Variants in PTPN7 observed in about 807,000 individuals in gnomAD.
PTPN7 encodes tyrosine-protein phosphatase non-receptor type 7.
In PTPN7, 33 loss-of-function variants were observed where a neutral mutation model predicts 50.3. The observed-to-expected ratio is 0.66, with a 90% CI of 0.50 to 0.88. The LOEUF (loss-of-function observed/expected upper bound fraction) is 0.88, where lower values mean the gene tolerates loss of function less well. PTPN7 is among the 40% of genes least tolerant of loss of function. The pLI is 0.00. For synonymous variants in PTPN7, 185 were observed against 186.6 expected (o/e 0.99, Z 0.07); for missense variants, 412 against 475.4 (o/e 0.87, Z 1.24).
chr1:202,150,516 G>T, intron 8 of PTPN7, 92 bp from the exon 9 acceptor site: 1 of 971,340 alleles, frequency 1.0e-6, no homozygotes, highest in Non-Finnish European at 1.6e-6. Context: ...AATGGGACCT[G>T]CAGGTGCTAT....
Position 202,154,263 on chromosome 1 carries a change from A to G in PTPN7, c.529T>C (p.Ser177Pro), listed in dbSNP as rs765296271. Residue 177 changes from serine to proline, a missense_variant, in exon 6 of 10, where the codon TCG (serine) becomes CCG (proline). By Grantham distance (74) the Ser-to-Pro change is moderately conservative (BLOSUM62 -1). Coordinates refer to ENST00000691036, the MANE Select transcript of PTPN7 (RefSeq NM_002832.4). ...ATQGPMPNTV[S>P]DFWEMVWQEE... Reference sequence around the variant, plus strand: ...TGCCACACCATCTCCCAGAAGTCCGACACAGTGTTGGGCATGGGGCCCTGG... The same window carrying G: ...TGCCACACCATCTCCCAGAAGTCCGGCACAGTGTTGGGCATGGGGCCCTGG... 5 of 1,614,018 alleles carry G rather than the reference A, an allele frequency of 3.1e-6. No homozygotes were observed. The highest frequency in any genetic ancestry group is 3.3e-5 in the Admixed American group (2 of 59,994).
intron 9 of PTPN7, chr1:202,149,834 T>TG (rs1382217718): frequency 8.3e-5 from 12 of 144,110 alleles, no homozygotes; most frequent in Non-Finnish European, 1.1e-4. Context: ...TTTTTGTTTT[T>TG]TTTTTTTTTT....
At chr1:202,154,676 G>A (rs972429025) in intron 5 of PTPN7, among the ~76,000 whole-genome samples, 1 of 152,234 alleles carries the variant, frequency 6.6e-6, no homozygotes, top group Non-Finnish European at 1.5e-5. Context: ...CCGATAGCAA[G>A]TGCTCTATAA....
At chr1:202,153,442 C>G (rs895018814) in intron 7 of PTPN7, among the ~76,000 whole-genome samples, 7 of 152,188 alleles carry the variant, frequency 4.6e-5, no homozygotes, top group Non-Finnish European at 5.9e-5. Flanking sequence ...CTCCTTTAAC[C>G]TCCTCTCCTT....
chr1:202,159,217 A>C lies in PTPN7; in HGVS notation c.122+64T>G. The C allele has an allele frequency of 2.0e-6, 3 of 1,519,680 alleles. No homozygotes were observed. The highest frequency in any genetic ancestry group is 2.7e-6 in the Non-Finnish European group (3 of 1,102,372). The allele number at this position is 1,519,680 out of a possible 1,614,324, so 94.1% of individuals were successfully genotyped here. Reference sequence around the variant, plus strand: ...TGTCAGAGCTGGAGGGGCAGATGGAAGGAAGGGAGGAGCGGAATGGGGGCT... The same window carrying C: ...TGTCAGAGCTGGAGGGGCAGATGGACGGAAGGGAGGAGCGGAATGGGGGCT... On this transcript the variant is annotated intron_variant, in intron 2 of 9. Coordinates refer to ENST00000691036, the MANE Select transcript of PTPN7 (RefSeq NM_002832.4). The surrounding 1 kb of genome is among the most constrained non-coding windows in gnomAD (Gnocchi z 4.6).
At chr1:202,152,326 C>T (rs2147833366) in intron 8 of PTPN7, among the ~76,000 whole-genome samples, 1 of 152,352 alleles carries the variant, frequency 6.6e-6, no homozygotes, top group South Asian at 2.1e-4. Context: ...TCCATCCCCT[C>T]TATGGATGGG....
Position 202,154,173 on chromosome 1 carries a change from C to T in PTPN7, c.606+13G>A. On this transcript the variant is annotated intron_variant, in intron 6 of 9. Transcript: ENST00000691036. ...TTTCTGGGTTCATCATGAACTGTGG[C>T]TCTGCCTCCTACCTCCTTGCCCTCT... 4 of 1,613,858 alleles carry T rather than the reference C, an allele frequency of 2.5e-6. No homozygotes were observed. The highest frequency in any genetic ancestry group is 3.4e-6 in the Non-Finnish European group (4 of 1,180,010).
intron 6 of PTPN7, 65 bp downstream of exon 6, chr1:202,154,121 G>A: frequency 6.2e-7 from 1 of 1,600,132 alleles, no homozygotes; most frequent in Non-Finnish European, 8.5e-7. Context: ...CCCTGTGTGT[G>A]GGGTGGGGGT....
In PTPN7 at chr1:202,155,464, C is replaced by A; in HGVS notation, c.468+69G>T. On this transcript the variant is annotated intron_variant, in intron 5 of 9. Coordinates refer to ENST00000691036, the MANE Select transcript of PTPN7 (RefSeq NM_002832.4). ...CAGGCACCTGATCCACCAGCCATGGCTGGAAGATATTCTCAGACGTCTGAG... is the reference window on the plus strand; with the variant it reads ...CAGGCACCTGATCCACCAGCCATGGATGGAAGATATTCTCAGACGTCTGAG... The A allele has an allele frequency of 3.5e-6, 5 of 1,443,294 alleles. No individual in the cohort carries two copies. In the Admixed American group the frequency reaches 7.1e-5, roughly 20 times the overall value. The allele number at this position is 1,443,294 out of a possible 1,614,324, so 89.4% of individuals were successfully genotyped here.
In PTPN7 at chr1:202,148,416, T is replaced by G. The variant is rs1386577099; in HGVS notation, c.*190A>C. The G allele has an allele frequency of 3.8e-6, 2 of 530,650 alleles. No homozygotes were observed. The highest frequency in any genetic ancestry group is 3.4e-5 in the Admixed American group (1 of 29,772). The allele number at this position is 530,650 out of a possible 1,614,324, so 32.9% of individuals were successfully genotyped here. A position where few individuals can be genotyped will look rare whatever the true frequency, so the allele number is the denominator to read the frequency against. ...AGAGGAAGCAGAGGAGTGGCCAGTGTTGAAGACCTGGAATCCGGCCCCTTG... is the reference window on the plus strand; with the variant it reads ...AGAGGAAGCAGAGGAGTGGCCAGTGGTGAAGACCTGGAATCCGGCCCCTTG... On this transcript the variant is annotated 3_prime_UTR_variant, in exon 10 of 10. Coordinates refer to ENST00000691036, the MANE Select transcript of PTPN7 (RefSeq NM_002832.4).
At chr1:202,161,004 C>T, upstream of PTPN7, 1 of 1,423,828 alleles carries the variant, frequency 7.0e-7, no homozygotes, top group Non-Finnish European at 9.1e-7. Context: ...TGCTTCTGCC[C>T]CACAGCCCTC....
rs201036614 is a variant in PTPN7 at position 202,148,617 on chromosome 1, G to A, written c.1072C>T (p.Pro358Ser). The stretch of plus-strand genomic sequence containing the variant: ...GAGGGTGGCAGGGGTCAGGGGCTGG[G>A]TTCCTCAGGCAGCTGGCCTGCATAC... ...ALYAGQLPEE[P>S]SP Residue 358 changes from proline (P) to serine (S), a missense_variant, in exon 10 of 10, where the codon CCC becomes TCC. Physicochemically the swap from Pro to Ser is moderately conservative, Grantham distance 74 (BLOSUM62 -1). Coordinates refer to ENST00000691036, the MANE Select transcript of PTPN7 (RefSeq NM_002832.4). 5 of 1,613,930 alleles carry A rather than the reference G, an allele frequency of 3.1e-6. No homozygotes were observed. Among genetic ancestry groups the A allele is most frequent in the Non-Finnish European group, 4.2e-6 (5 of 1,179,920 alleles).
chr1:202,159,074 A>G lies in PTPN7; in HGVS notation c.122+207T>C. On this transcript the variant is annotated intron_variant, in intron 2 of 9. Coordinates refer to ENST00000691036, the MANE Select transcript of PTPN7 (RefSeq NM_002832.4). The surrounding 1 kb of genome is among the most constrained non-coding windows in gnomAD (Gnocchi z 4.6). ...TGTGGGCCTTGCCTGGAATTTAGGG[A>G]GCAGGCTCATGGTTGATATGAAACT... The G allele has an allele frequency of 1.7e-6, 1 of 587,436 alleles. No individual in the cohort carries two copies. Among genetic ancestry groups the G allele is most frequent in the Non-Finnish European group, 3.0e-6 (1 of 331,048 alleles). The allele number at this position is 587,436 out of a possible 1,614,324, so 36.4% of individuals were successfully genotyped here. A position where few individuals can be genotyped will look rare whatever the true frequency, so the allele number is the denominator to read the frequency against.
In PTPN7 at chr1:202,147,405, T is replaced by A. The variant is rs1655446397; in HGVS notation, c.*1201A>T. 6.6e-6 allele frequency: 1 copy of A among 152,068 alleles called. No homozygotes were observed. The highest frequency in any genetic ancestry group is 2.4e-5 in the African/African-American group (1 of 41,384). The allele number at this position is 152,068 out of a possible 1,614,324, so 9.4% of individuals were successfully genotyped here. On this transcript the variant is annotated 3_prime_UTR_variant, in exon 10 of 10. Transcript: ENST00000691036. ...GGCCCAGCTGTTCTCCAGATCCAAC[T>A]CCTCGGGGGTTTCCACAGAGAGCTG...
chr1:202,160,600 T>A lies in PTPN7; in HGVS notation c.-108A>T, dbSNP rs1657272553. 1.3e-6 allele frequency: 2 copies of A among 1,550,454 alleles called. No homozygotes were observed. Among genetic ancestry groups the A allele is most frequent in the Non-Finnish European group, 1.7e-6 (2 of 1,146,896 alleles). On this transcript the variant is annotated 5_prime_UTR_variant, in exon 1 of 10. Coordinates refer to ENST00000691036, the MANE Select transcript of PTPN7 (RefSeq NM_002832.4). This position sits in a 1 kb window ranked among gnomAD's most constrained non-coding sequence, Gnocchi z 4.8. ...TGCCAGCTGTCTGTCTGTCTGTCGGTCTGTCTTTGAGGGCTGAGAAGGCTC... is the reference window on the plus strand; with the variant it reads ...TGCCAGCTGTCTGTCTGTCTGTCGGACTGTCTTTGAGGGCTGAGAAGGCTC...
In PTPN7 at chr1:202,159,653, C is replaced by T. The variant is rs565098969; in HGVS notation, c.-52-199G>A. 156 of 1,435,304 alleles carry T rather than the reference C, an allele frequency of 1.1e-4. No homozygotes were observed. Among genetic ancestry groups the T allele is most frequent in the East Asian group, 3.1e-4 (13 of 42,274 alleles). 88.9% of individuals were successfully genotyped at this position (1,435,304 alleles called of 1,614,324 possible). A position where few individuals can be genotyped will look rare whatever the true frequency, so the allele number is the denominator to read the frequency against. On this transcript the variant is annotated intron_variant, in intron 1 of 9. Coordinates refer to ENST00000691036, the MANE Select transcript of PTPN7 (RefSeq NM_002832.4). The surrounding 1 kb of genome is among the most constrained non-coding windows in gnomAD (Gnocchi z 4.6). ...AGAAGGCAGTCTCGGGGTAGAGTAACGGCAAGATAAAGGGTAGAGATTGTG... is the reference window on the plus strand; with the variant it reads ...AGAAGGCAGTCTCGGGGTAGAGTAATGGCAAGATAAAGGGTAGAGATTGTG...
chr1:202,153,485 C>T lies in PTPN7; in HGVS notation c.717+240G>A, dbSNP rs10920338. Among the ~76,000 whole-genome samples the T allele has an allele frequency of 0.62, 93,794 of 152,084 alleles. 29,027 individuals are homozygous for T. Among genetic ancestry groups the T allele is most frequent in the South Asian group, 0.78 (3,739 of 4,818 alleles). On this transcript the variant is annotated intron_variant, in intron 7 of 9. Transcript: ENST00000691036. ...CCCTGCTCCTGGATCCTGCCTGTCC[C>T]CGCCTGACCATTTACACAGATGGGT...
Position 202,155,549 on chromosome 1 carries a change from T to C in PTPN7, c.452A>G (p.Asn151Ser), listed in dbSNP as rs764702587. ...GCCACTCACTCGGATGTAGTTGGCA[T>C]TGATGTAATCTCCGTCCTCCTGGCT... ...AQSQEDGDYI[N>S]ANYIRGYDGK... Residue 151 changes from asparagine (N) to serine (S), a missense_variant, in exon 5 of 10, where the codon AAT becomes AGT. Asn to Ser is a conservative substitution (Grantham distance 46). Coordinates refer to ENST00000691036, the MANE Select transcript of PTPN7 (RefSeq NM_002832.4). 5 of 1,559,218 alleles carry C rather than the reference T, an allele frequency of 3.2e-6. No homozygotes were observed. Among genetic ancestry groups the C allele is most frequent in the Non-Finnish European group, 3.5e-6 (4 of 1,130,096 alleles).
chr1:202,149,829 G>GTTTTTTTTTTTTTTTTTTTTTTTTTTT (rs67499965), intron 9 of PTPN7: 1 of 92,914 alleles, frequency 1.1e-5, no homozygotes, highest in Non-Finnish European at 2.1e-5. Flanking sequence ...TCTTTTTTTT[G>GTTTTTTTTTTTTTTTTTTTTTTTTTTT]TTTTTTTTTT....
Sources: allele counts gnomAD v4.1 joint callset (sites outside exome capture counted in the v4.1 genomes callset), GRCh38; gene constraint gnomAD v4.1.1; non-coding constraint Gnocchi (gnomAD v3.1); transcripts MANE v1.5; gene names NCBI Gene and HGNC (gene_info 2026-07-23, HGNC 2026-07-21).